The following MCC variants were observed in gnomAD, a reference collection of about 807,000 sequenced individuals.
MCC encodes the protein MCC regulator of Wnt signaling pathway.
MCC carries 90 observed loss-of-function variants against 116.2 expected under a neutral mutation model. The ratio of observed to expected loss-of-function variants is 0.77; its 90% CI spans 0.65 to 0.92. The LOEUF (loss-of-function observed/expected upper bound fraction) is 0.92, where lower values mean the gene tolerates loss of function less well. Ranked by LOEUF, MCC falls within the 40% of genes least tolerant of loss-of-function variation. The pLI is 0.00. For synonymous variants in MCC, 578 were observed against 510.5 expected, an observed-to-expected ratio of 1.13 and a Z score of -1.78; for missense variants, 1,516 against 1,312.2, an observed-to-expected ratio of 1.16 and a Z score of -2.40.
At chr5:113,427,462 CTGTT>C (rs1283020839) in intron 1 of MCC, among the ~76,000 whole-genome samples, 1 of 152,176 alleles carries the variant, frequency 6.6e-6, no homozygotes, top group Non-Finnish European at 1.5e-5. Context: ...AAACAAAACT[CTGTT>C]TGCCAAGCAG....
At chr5:113,091,099 A>G (rs1053095565) in intron 8 of MCC, among the ~76,000 whole-genome samples, 2 of 152,236 alleles carry the variant, frequency 1.3e-5, no homozygotes, top group Non-Finnish European at 2.9e-5. Flanking sequence ...AAAAGCTGAA[A>G]GTGCTGTCCA....
intron 3 of MCC, among the ~76,000 whole-genome samples, chr5:113,293,189 C>T (rs1023283499): frequency 4.6e-5 from 7 of 150,772 alleles, no homozygotes; most frequent in Admixed American, 4.6e-4. Context: ...TCCTAGGTTT[C>T]CCCCAACCCC....
At chr5:113,230,479 CA>C (rs1477648393) in intron 3 of MCC, among the ~76,000 whole-genome samples, 2 of 152,198 alleles carry the variant, frequency 1.3e-5, no homozygotes, top group African/African-American at 4.8e-5. Context: ...CCCATCTTAT[CA>C]TTCCTTCTAG....
rs113184265 is a variant in MCC, at chr5:113,143,212, G to A, written c.884+6C>T. 4.8e-5 allele frequency: 76 copies of A among 1,595,494 alleles called. No individual in the cohort carries two copies. The highest frequency in any genetic ancestry group is 1.3e-4 in the African/African-American group (10 of 74,248). On this transcript the variant is annotated splice_donor_region_variant and intron_variant, in intron 5 of 18. Transcript: ENST00000408903. Reference sequence around the variant, plus strand: ...GGCAGAGTAAAAGCCGAATGGAGCCGCGTACCTGATGGTGGTGCCTTGCAG... The same window carrying A: ...GGCAGAGTAAAAGCCGAATGGAGCCACGTACCTGATGGTGGTGCCTTGCAG...
intron 3 of MCC, among the ~76,000 whole-genome samples, chr5:113,271,670 A>G (rs1166852220): frequency 6.6e-6 from 1 of 152,208 alleles, no homozygotes; most frequent in Non-Finnish European, 1.5e-5. Context: ...CAATAGTGTT[A>G]AGAGGTGGAA....
At chr5:113,214,503 G>C (rs1763240914) in intron 3 of MCC, among the ~76,000 whole-genome samples, 1 of 152,206 alleles carries the variant, frequency 6.6e-6, no homozygotes, top group Non-Finnish European at 1.5e-5. Context: ...AAAATGTAAA[G>C]TGATGTGTAC....
intron 3 of MCC, among the ~76,000 whole-genome samples, chr5:113,186,164 C>T (rs895581945): frequency 6.6e-6 from 1 of 151,652 alleles, no homozygotes; most frequent in African/African-American, 2.4e-5. Flanking sequence ...CTTGCAACTA[C>T]TACAGGTGAT....
intron 8 of MCC, among the ~76,000 whole-genome samples, chr5:113,093,163 G>A (rs1298213333): frequency 6.6e-6 from 1 of 152,172 alleles, no homozygotes; most frequent in Non-Finnish European, 1.5e-5. Flanking sequence ...AAAATGGGGG[G>A]AAGGGGATGG....
At chr5:113,392,150 G>A (rs1229651239) in intron 1 of MCC, among the ~76,000 whole-genome samples, 2 of 152,164 alleles carry the variant, frequency 1.3e-5, no homozygotes, top group East Asian at 3.9e-4. Context: ...AGGATGCCTT[G>A]AGGCCAGGAG....
chr5:113,069,203 T>C (rs563640098), intron 12 of MCC, among the ~76,000 whole-genome samples: 8 of 152,370 alleles, frequency 5.3e-5, no homozygotes, highest in South Asian at 4.1e-4. Context: ...AAAGTTCTAT[T>C]AGATTCTCAT....
intron 3 of MCC, among the ~76,000 whole-genome samples, chr5:113,159,076 T>C (rs2150296027): frequency 6.6e-6 from 1 of 152,250 alleles, no homozygotes; most frequent in East Asian, 1.9e-4. Context: ...GCAGGGCAAG[T>C]CCTCCAATGC....
At chr5:113,276,563 A>G (rs994499150) in intron 3 of MCC, among the ~76,000 whole-genome samples, 3 of 152,214 alleles carry the variant, frequency 2.0e-5, no homozygotes, top group East Asian at 1.9e-4. Flanking sequence ...GAAAACCTAC[A>G]TACTTACTCA....
chr5:113,434,825 A>G lies in MCC; in HGVS notation c.171-49613T>C. ...GGAGGTAGCCTCGTCGCTTGAGGAC[A>G]GCAGCGTCATCCATGGTGCCAGGAA... On this transcript the variant is annotated intron_variant, in intron 1 of 18. Transcript: ENST00000408903. This position sits in a 1 kb window ranked among gnomAD's most constrained non-coding sequence, Gnocchi z 4.2. The G allele has an allele frequency of 1.9e-6, 3 of 1,608,062 alleles. No homozygotes were observed. The highest frequency in any genetic ancestry group is 2.6e-6 in the Non-Finnish European group (3 of 1,175,448).
At chr5:113,294,830 G>C in intron 3 of MCC, 33 of 986,224 alleles carry the variant, frequency 3.3e-5, no homozygotes, top group Non-Finnish European at 4.0e-5. Flanking sequence ...GGGCGGTGGG[G>C]CGAGGAAGAT....
intron 13 of MCC, 54 bp from the exon 14 acceptor site, chr5:113,064,221 C>T (rs1417340648): frequency 6.6e-7 from 1 of 1,504,748 alleles, no homozygotes; most frequent in African/African-American, 1.4e-5. Flanking sequence ...ACAAGGCACG[C>T]CTGGGAGGGA....
intron 3 of MCC, among the ~76,000 whole-genome samples, chr5:113,252,719 C>T (rs1328410976): frequency 2.0e-5 from 3 of 152,200 alleles, no homozygotes; most frequent in Non-Finnish European, 4.4e-5. Flanking sequence ...GGAAACTGGT[C>T]CCTGGTGCCA....
intron 5 of MCC, among the ~76,000 whole-genome samples, chr5:113,135,004 C>T (rs139580137): frequency 0.011 from 1,590 of 150,324 alleles, 40 homozygotes; most frequent in African/African-American, 0.037. Flanking sequence ...TGCAGTGGCC[C>T]GATCTCAGCT....
chr5:113,311,319 A>T (rs1440769683), intron 3 of MCC, among the ~76,000 whole-genome samples: 1 of 152,176 alleles, frequency 6.6e-6, no homozygotes, highest in Admixed American at 6.5e-5. Flanking sequence ...AATAAGATGG[A>T]ATTAATGGTA....
At chr5:113,131,097 G>C (rs1758400580) in intron 5 of MCC, among the ~76,000 whole-genome samples, 1 of 152,200 alleles carries the variant, frequency 6.6e-6, no homozygotes, top group African/African-American at 2.4e-5. Flanking sequence ...CACAGCAGCA[G>C]TGAGCTAACG....
Sources: allele counts gnomAD v4.1 joint callset (sites outside exome capture counted in the v4.1 genomes callset), GRCh38; gene constraint gnomAD v4.1.1; non-coding constraint Gnocchi (gnomAD v3.1); transcripts MANE v1.5; gene names NCBI Gene and HGNC (gene_info 2026-07-23, HGNC 2026-07-21).